Variants in WDFY1 observed in about 807,000 individuals in gnomAD.
The protein encoded by WDFY1 is WD repeat and FYVE domain containing 1, also known as WD repeat and FYVE domain-containing protein 1.
A neutral mutation model predicts 56.4 loss-of-function variants in WDFY1; 32 were observed. The observed-to-expected ratio is 0.57, with a 90% CI of 0.43 to 0.76. The LOEUF is 0.76. Ranked by LOEUF, WDFY1 falls within the 30% of genes least tolerant of loss-of-function variation. The probability of loss-of-function intolerance (pLI) is 0.00; values close to 1 mark genes in which losing one functional copy is unlikely to be tolerated. For synonymous variants in WDFY1, 192 were observed against 197.3 expected, an observed-to-expected ratio of 0.97 and a Z score of 0.23; for missense variants, 480 against 545.7, an observed-to-expected ratio of 0.88 and a Z score of 1.20.
intron 8 of WDFY1, among the ~76,000 whole-genome samples, chr2:223,890,646 ATT>A (rs1187069700): frequency 2.0e-5 from 3 of 152,178 alleles, no homozygotes; most frequent in Admixed American, 6.5e-5. Flanking sequence ...TTAATCAGTT[ATT>A]ATAATTGCTT....
At position 223,918,913 on chromosome 2, in the gene WDFY1, C is replaced by T. The variant is rs137884537; in HGVS notation, c.138-903G>A. ...CATTCCACACCACATCTCTGGGGCC[C>T]TCTTTCATCGGAACATGCACAGGGT... On this transcript the variant is annotated intron_variant, in intron 1 of 11. Coordinates refer to ENST00000233055, the MANE Select transcript of WDFY1 (RefSeq NM_020830.5). Among the ~76,000 whole-genome samples the T allele has an allele frequency of 6.7e-3, 1,019 of 152,286 alleles. 7 individuals are homozygous for T. The highest frequency in any genetic ancestry group is 0.023 in the African/African-American group (938 of 41,560).
In WDFY1 at chr2:223,876,185, G is replaced by A. The variant is rs968420855; in HGVS notation, c.*2486C>T. ...ACATATATACTAGATGTAAATATAAGGATCTTCTCTAATAGTCTGTATTCC... is the reference window on the plus strand; with the variant it reads ...ACATATATACTAGATGTAAATATAAAGATCTTCTCTAATAGTCTGTATTCC... On this transcript the variant is annotated 3_prime_UTR_variant, in exon 12 of 12. Transcript: ENST00000233055. The A allele has an allele frequency of 1.3e-5, 2 of 152,274 alleles. No homozygotes were observed. Among genetic ancestry groups the A allele is most frequent in the Non-Finnish European group, 2.9e-5 (2 of 67,970 alleles). The allele number at this position is 152,274 out of a possible 1,614,324, so 9.4% of individuals were successfully genotyped here.
intron 8 of WDFY1, among the ~76,000 whole-genome samples, chr2:223,887,720 A>C (rs1693195650): frequency 6.6e-6 from 1 of 152,218 alleles, no homozygotes. Context: ...TCTCGCTCTC[A>C]ACCAAAACAG....
At chr2:223,930,808 T>TC (rs2106100286) in intron 1 of WDFY1, among the ~76,000 whole-genome samples, 1 of 152,254 alleles carries the variant, frequency 6.6e-6, no homozygotes, top group South Asian at 2.1e-4. Flanking sequence ...AGCTCAACTG[T>TC]CCTAGCTGAA....
chr2:223,888,023 C>A (rs1355749813), intron 8 of WDFY1, among the ~76,000 whole-genome samples: 1 of 152,122 alleles, frequency 6.6e-6, no homozygotes, highest in Non-Finnish European at 1.5e-5. Flanking sequence ...AACACACATG[C>A]AACATTTGTG....
chr2:223,887,321 G>C (rs778816621), intron 8 of WDFY1, among the ~76,000 whole-genome samples: 6 of 152,116 alleles, frequency 3.9e-5, no homozygotes, highest in Non-Finnish European at 8.8e-5. Context: ...CGTAACTCTT[G>C]CAAAACCACA....
intron 4 of WDFY1, among the ~76,000 whole-genome samples, chr2:223,905,300 G>A (rs1693577890): frequency 6.6e-6 from 1 of 151,906 alleles, no homozygotes; most frequent in African/African-American, 2.4e-5. Flanking sequence ...CACTTTGTAG[G>A]AATTTGTCTT....
At position 223,875,737 on chromosome 2, in the gene WDFY1, T is replaced by G. The variant is rs535803419; in HGVS notation, c.*2934A>C. On this transcript the variant is annotated 3_prime_UTR_variant, in exon 12 of 12. Coordinates refer to ENST00000233055, the MANE Select transcript of WDFY1 (RefSeq NM_020830.5). The stretch of plus-strand genomic sequence containing the variant: ...GCATGTATTACTTATTTGTTAAGCC[T>G]TACACTTACGATGAGCAGATGGTTT... 6.6e-6 allele frequency: 1 copy of G among 152,334 alleles called. No homozygotes were observed. Among genetic ancestry groups the G allele is most frequent in the South Asian group, 2.1e-4 (1 of 4,828 alleles). The allele number at this position is 152,334 out of a possible 1,614,324, so 9.4% of individuals were successfully genotyped here.
At chr2:223,913,993 C>CTTTTTTTTTTTT (rs386392770) in intron 2 of WDFY1, among the ~76,000 whole-genome samples, 10 of 88,142 alleles carry the variant, frequency 1.1e-4, no homozygotes, top group African/African-American at 1.9e-4. Flanking sequence ...AATCAGTTAG[C>CTTTTTTTTTTTT]TTTTTTTTTT....
chr2:223,936,682 C>G (rs1308625912), intron 1 of WDFY1, among the ~76,000 whole-genome samples: 1 of 152,148 alleles, frequency 6.6e-6, no homozygotes, highest in Non-Finnish European at 1.5e-5. Flanking sequence ...CAGAGGGGAC[C>G]TCACCATTCC....
At chr2:223,901,677 A>C (rs965289493) in intron 4 of WDFY1, among the ~76,000 whole-genome samples, 1 of 150,554 alleles carries the variant, frequency 6.6e-6, no homozygotes, top group South Asian at 2.1e-4. Flanking sequence ...ACTTTGCTCT[A>C]AAAAACTGTA....
intron 11 of WDFY1, 32 bp downstream of exon 11, chr2:223,880,092 C>G: frequency 6.3e-7 from 1 of 1,579,990 alleles, no homozygotes; most frequent in Non-Finnish European, 8.7e-7. Flanking sequence ...GCAATCTCAA[C>G]TGAGATGCTG....
chr2:223,928,465 G>A lies in WDFY1; in HGVS notation c.138-10455C>T, dbSNP rs140603021. Among the ~76,000 whole-genome samples the A allele has an allele frequency of 7.8e-3, 1,193 of 152,240 alleles. 7 individuals carry two copies. Among genetic ancestry groups the A allele is most frequent in the Non-Finnish European group, 0.012 (817 of 68,012 alleles). ...TGTGAGAACCCCAGAGAAAAGATAC[G>A]GAGGCTGAGTTCTGGCAGAACAGCA... is the stretch of plus-strand genomic sequence containing the variant. On this transcript the variant is annotated intron_variant, in intron 1 of 11. Transcript: ENST00000233055.
At chr2:223,932,271 T>C (rs887478139) in intron 1 of WDFY1, among the ~76,000 whole-genome samples, 9 of 151,934 alleles carry the variant, frequency 5.9e-5, no homozygotes, top group African/African-American at 1.9e-4. Context: ...TACAGGTGCC[T>C]GCCACCACGC....
At position 223,945,051 on chromosome 2, in the gene WDFY1, G is replaced by C. The variant is rs1689386585; in HGVS notation, c.137+97C>G. On this transcript the variant is annotated intron_variant, in intron 1 of 11. Transcript: ENST00000233055. The stretch of plus-strand genomic sequence containing the variant: ...GGGGTGGGGCCGTGCTGCCGGGGGA[G>C]CCCCCTCACGCAGGAAGGACCGGGG... 4 of 1,370,352 alleles carry C rather than the reference G, an allele frequency of 2.9e-6. No homozygotes were observed. The East Asian group carries it at 8.7e-5, about 30-fold the overall frequency. 84.9% of individuals were successfully genotyped at this position (1,370,352 alleles called of 1,614,324 possible). A position where few individuals can be genotyped will look rare whatever the true frequency, so the allele number is the denominator to read the frequency against.
intron 1 of WDFY1, among the ~76,000 whole-genome samples, chr2:223,927,319 T>C (rs910281142): frequency 1.3e-5 from 2 of 152,238 alleles, no homozygotes; most frequent in Non-Finnish European, 2.9e-5. Context: ...GCATTGAAAA[T>C]CTATTGTTTA....
At chr2:223,919,299 C>G (rs1056741211) in intron 1 of WDFY1, among the ~76,000 whole-genome samples, 1 of 152,202 alleles carries the variant, frequency 6.6e-6, no homozygotes, top group Admixed American at 6.5e-5. Flanking sequence ...CAACCGCCAC[C>G]TCCCGGGTTC....
At chr2:223,902,214 C>T (rs1186429643) in intron 4 of WDFY1, among the ~76,000 whole-genome samples, 2 of 152,208 alleles carry the variant, frequency 1.3e-5, no homozygotes, top group Non-Finnish European at 2.9e-5. Context: ...TTACACTGAA[C>T]AATTAAATAC....
intron 1 of WDFY1, among the ~76,000 whole-genome samples, chr2:223,929,806 C>G (rs1446750079): frequency 6.6e-6 from 1 of 152,212 alleles, no homozygotes; most frequent in Non-Finnish European, 1.5e-5. Context: ...AAACCAACAG[C>G]AGCACTGCAT....
Sources: allele counts gnomAD v4.1 joint callset (sites outside exome capture counted in the v4.1 genomes callset), GRCh38; gene constraint gnomAD v4.1.1; transcripts MANE v1.5; gene names NCBI Gene and HGNC (gene_info 2026-07-23, HGNC 2026-07-21).